POGZ: variants seen among roughly 807,000 people sequenced by gnomAD.
POGZ encodes the protein pogo transposable element derived with ZNF domain.
A neutral mutation model predicts 134.6 loss-of-function variants in POGZ; 17 were observed. That is an observed-to-expected ratio of 0.13 (90% CI 0.09 to 0.19). POGZ has a LOEUF of 0.19. Ranked by LOEUF, POGZ falls within the 10% of genes least tolerant of loss-of-function variation. POGZ has a pLI of 1.00. For missense variants in POGZ, 1,306 were observed against 1,769.7 expected, an observed-to-expected ratio of 0.74 and a Z score of 4.70; for synonymous variants, 693 against 657.1, an observed-to-expected ratio of 1.05 and a Z score of -0.84.
chr1:151,455,305 C>T (rs1404415025), intron 1 of POGZ: 1 of 152,160 alleles, frequency 6.6e-6, no homozygotes, highest in Non-Finnish European at 1.5e-5. Context: ...AAGTAACTTC[C>T]TCAAGGTTAC....
chr1:151,424,922 C>T (rs761484080), intron 8 of POGZ, 33 bp downstream of exon 8: 3 of 1,138,902 alleles, frequency 2.6e-6, no homozygotes, highest in Admixed American at 1.9e-5. Flanking sequence ...TGGCAGAAGC[C>T]ACTTAAGCTG....
intron 1 of POGZ, 42 bp from the exon 2 acceptor site, chr1:151,442,247 G>C (rs746246446): frequency 9.5e-6 from 15 of 1,582,842 alleles, no homozygotes; most frequent in Non-Finnish European, 2.6e-6. Flanking sequence ...CCTAAGAATA[G>C]GAGATATTGC....
chr1:151,407,093 C>T, intron 16 of POGZ, 70 bp from the exon 17 acceptor site: 2 of 1,339,678 alleles, frequency 1.5e-6, no homozygotes, highest in Non-Finnish European at 2.1e-6. Context: ...AGCTTTGAGG[C>T]TTAAGAAAGA....
At chr1:151,445,032 G>C (rs541968547) in intron 1 of POGZ, among the ~76,000 whole-genome samples, 1 of 151,310 alleles carries the variant, frequency 6.6e-6, no homozygotes, top group African/African-American at 2.4e-5. Context: ...TGGAGAGCTG[G>C]AGAGCAATAC....
At chr1:151,411,544 C>A in intron 12 of POGZ, 81 bp downstream of exon 12, 1 of 963,628 alleles carries the variant, frequency 1.0e-6, no homozygotes, top group Non-Finnish European at 1.6e-6. Flanking sequence ...AAATTATTTG[C>A]CTAGCTCAGC....
chr1:151,433,208 T>C (rs889881617), intron 3 of POGZ, among the ~76,000 whole-genome samples: 2 of 152,166 alleles, frequency 1.3e-5, no homozygotes, highest in African/African-American at 4.8e-5. Flanking sequence ...ACAGACCAGG[T>C]TTCCATGAAA....
chr1:151,431,454 A>C (rs895679479), intron 3 of POGZ, among the ~76,000 whole-genome samples: 9 of 152,242 alleles, frequency 5.9e-5, no homozygotes, highest in African/African-American at 2.2e-4. Flanking sequence ...ATTCATCAAC[A>C]AACATTAATT....
chr1:151,439,513 A>G (rs1660180053), intron 3 of POGZ, among the ~76,000 whole-genome samples: 1 of 152,212 alleles, frequency 6.6e-6, no homozygotes, highest in African/African-American at 2.4e-5. Flanking sequence ...CTATCAAATT[A>G]TAAACACCTG....
intron 10 of POGZ, among the ~76,000 whole-genome samples, chr1:151,413,596 C>T (rs1321368743): frequency 6.6e-6 from 1 of 151,938 alleles, no homozygotes; most frequent in Non-Finnish European, 1.5e-5. Flanking sequence ...TCTAACCTCC[C>T]CCCGCCCCCA....
intron 1 of POGZ, 106 bp from the exon 2 acceptor site, chr1:151,442,311 G>T: frequency 1.1e-6 from 1 of 883,576 alleles, no homozygotes; most frequent in Non-Finnish European, 1.7e-6. Context: ...CTACCTCCTT[G>T]GACTCCTTTA....
chr1:151,454,092 G>A (rs1662479555), intron 1 of POGZ, among the ~76,000 whole-genome samples: 1 of 152,134 alleles, frequency 6.6e-6, no homozygotes, highest in African/African-American at 2.4e-5. Context: ...CAGAAATGAA[G>A]AATGAAGAAT....
intron 11 of POGZ, among the ~76,000 whole-genome samples, chr1:151,412,059 G>A (rs1309262138): frequency 2.0e-5 from 3 of 152,160 alleles, no homozygotes; most frequent in African/African-American, 7.2e-5. Context: ...TCAGGAGACA[G>A]ACACTCCCTT....
chr1:151,417,728 AC>A (rs1656036751), intron 10 of POGZ, among the ~76,000 whole-genome samples: 1 of 138,012 alleles, frequency 7.2e-6, no homozygotes. Flanking sequence ...ACACACACAC[AC>A]AAAAGGCCTT....
At chr1:151,458,298 A>T (rs531653612) in intron 1 of POGZ, among the ~76,000 whole-genome samples, 5 of 151,922 alleles carry the variant, frequency 3.3e-5, no homozygotes, top group Non-Finnish European at 7.4e-5. Flanking sequence ...CCCCGGGATA[A>T]ACATGGCGCC....
At chr1:151,406,875 C>T in intron 17 of POGZ, 36 bp downstream of exon 17, 1 of 1,493,274 alleles carries the variant, frequency 6.7e-7, no homozygotes, top group Non-Finnish European at 9.3e-7. Flanking sequence ...CTTTTTTCCT[C>T]CCCTTGCTCA....
At chr1:151,415,670 CAA>C (rs749459920) in intron 10 of POGZ, among the ~76,000 whole-genome samples, 99 of 54,252 alleles carry the variant, frequency 1.8e-3, no homozygotes, top group African/African-American at 4.9e-3. Flanking sequence ...GACTCCGTCT[CAA>C]AAAAAAAAAA....
intron 10 of POGZ, among the ~76,000 whole-genome samples, chr1:151,420,685 A>C (rs1656733900): frequency 6.6e-6 from 1 of 152,148 alleles, no homozygotes; most frequent in Non-Finnish European, 1.5e-5. Flanking sequence ...TGGCACCAGC[A>C]ACATGTATCT....
intron 10 of POGZ, among the ~76,000 whole-genome samples, chr1:151,414,817 C>T (rs191228314): frequency 6.6e-6 from 1 of 152,174 alleles, no homozygotes; most frequent in Admixed American, 6.5e-5. Flanking sequence ...TGTGTTATCT[C>T]AAGAAAACTA....
In POGZ at chr1:151,428,019, A is replaced by C; in HGVS notation, c.882T>G (p.Pro294=). Residue 294 remains proline, a synonymous_variant, in exon 7 of 19, where the codon CCT becomes CCG. Coordinates refer to ENST00000271715, the MANE Select transcript of POGZ (RefSeq NM_015100.4). ...PKLAPSFPSP[P]AVSIASFVTV... ...TGACAAAGCTGGCAATGCTCACTGC[A>C]GGTGGAGAGGGGAAGGAGGGAGCTA... 2 of 1,614,224 alleles carry C rather than the reference A, an allele frequency of 1.2e-6. No individual in the cohort carries two copies. Among genetic ancestry groups the C allele is most frequent in the Non-Finnish European group, 1.7e-6 (2 of 1,180,028 alleles).
Sources: gnomAD v4.1 joint callset for allele counts (sites outside exome capture counted in the v4.1 genomes callset) on GRCh38, gnomAD v4.1.1 for gene constraint, MANE v1.5 for transcripts, NCBI Gene and HGNC (gene_info 2026-07-23, HGNC 2026-07-21) for gene names.